Variants in YAP1 observed in about 807,000 individuals in gnomAD.
YAP1 encodes the protein transcriptional coactivator YAP1.
Under a neutral mutation model 56.9 loss-of-function variants are expected in YAP1, and 5 were observed. The observed-to-expected ratio is 0.09, with a 90% CI of 0.05 to 0.18. The LOEUF is 0.18. YAP1 is among the 10% of genes least tolerant of loss of function. The pLI is 1.00. For missense variants in YAP1, 539 were observed against 651.8 expected (o/e 0.83, Z 1.88); for synonymous variants, 265 against 248.1 (o/e 1.07, Z -0.64).
chr11:102,212,528 G>C (rs543008877), intron 6 of YAP1, among the ~76,000 whole-genome samples: 4 of 152,160 alleles, frequency 2.6e-5, no homozygotes, highest in Admixed American at 1.3e-4. Flanking sequence ...ATGTTGGCAG[G>C]ATTTTGGAAA....
At chr11:102,147,370 A>G (rs1298213240) in intron 2 of YAP1, among the ~76,000 whole-genome samples, 1 of 152,188 alleles carries the variant, frequency 6.6e-6, no homozygotes, top group Non-Finnish European at 1.5e-5. Flanking sequence ...TAAACATATT[A>G]TAGTAAATTT....
At chr11:102,212,380 A>C (rs1949444605) in intron 6 of YAP1, among the ~76,000 whole-genome samples, 1 of 152,178 alleles carries the variant, frequency 6.6e-6, no homozygotes, top group Admixed American at 6.5e-5. Flanking sequence ...CACTAACGTC[A>C]GTATGGGTGA....
chr11:102,139,377 A>G (rs1944871945), intron 2 of YAP1, among the ~76,000 whole-genome samples: 1 of 152,114 alleles, frequency 6.6e-6, no homozygotes, highest in Non-Finnish European at 1.5e-5. Context: ...AAAGTTGCTG[A>G]GCAAGTCCGT....
At chr11:102,179,635 G>C (rs1947466632) in intron 3 of YAP1, among the ~76,000 whole-genome samples, 1 of 152,034 alleles carries the variant, frequency 6.6e-6, no homozygotes, top group African/African-American at 2.4e-5. Flanking sequence ...CCCTTGATCT[G>C]CTTTTCTAAA....
At chr11:102,209,638 A>G (rs1949296898) in intron 6 of YAP1, 74 bp downstream of exon 6, 2 of 1,373,844 alleles carry the variant, frequency 1.5e-6, no homozygotes, top group Non-Finnish European at 2.0e-6. Context: ...AGAAACTTAC[A>G]TTCCAGGGTC....
intron 3 of YAP1, among the ~76,000 whole-genome samples, chr11:102,182,880 A>G (rs188069065): frequency 6.6e-5 from 10 of 152,324 alleles, no homozygotes; most frequent in Admixed American, 2.0e-4. Context: ...TGTATTTGGT[A>G]TATATGTGTT....
intron 4 of YAP1, among the ~76,000 whole-genome samples, chr11:102,205,552 C>T (rs529232269): frequency 6.6e-6 from 1 of 152,128 alleles, no homozygotes; most frequent in East Asian, 1.9e-4. Context: ...TCTGAATATG[C>T]AATATATTCA....
intron 1 of YAP1, 45 bp from the exon 2 acceptor site, chr11:102,114,099 T>A: frequency 6.5e-7 from 1 of 1,549,940 alleles, no homozygotes; most frequent in Non-Finnish European, 8.7e-7. Flanking sequence ...GGGACTCAGT[T>A]GTGTTTTTTC....
At chr11:102,189,699 A>C (rs182161667) in intron 4 of YAP1, among the ~76,000 whole-genome samples, 1 of 152,304 alleles carries the variant, frequency 6.6e-6, no homozygotes, top group Non-Finnish European at 1.5e-5. Flanking sequence ...CAGTTTCCCA[A>C]AACTTGCTTT....
At chr11:102,196,042 A>G (rs1367393250) in intron 4 of YAP1, among the ~76,000 whole-genome samples, 2 of 152,200 alleles carry the variant, frequency 1.3e-5, no homozygotes, top group Admixed American at 1.3e-4. Context: ...AAGATAACAA[A>G]TGTTGTCCAG....
chr11:102,221,255 G>A (rs1182381713), intron 6 of YAP1, among the ~76,000 whole-genome samples: 1 of 152,140 alleles, frequency 6.6e-6, no homozygotes, highest in East Asian at 1.9e-4. Context: ...ACCTTGCAGG[G>A]AAGACAGGCA....
At chr11:102,170,443 A>G (rs1360144185) in intron 3 of YAP1, among the ~76,000 whole-genome samples, 2 of 152,140 alleles carry the variant, frequency 1.3e-5, no homozygotes, top group Admixed American at 6.5e-5. Context: ...TGTGTTTTGT[A>G]TGCTTAGTTA....
At chr11:102,172,828 T>G (rs1946995340) in intron 3 of YAP1, among the ~76,000 whole-genome samples, 1 of 152,054 alleles carries the variant, frequency 6.6e-6, no homozygotes, top group Non-Finnish European at 1.5e-5. Context: ...TGAGCAGAGA[T>G]CTGAATGAAC....
At chr11:102,222,515 C>G (rs1029984577) in intron 6 of YAP1, among the ~76,000 whole-genome samples, 1 of 152,140 alleles carries the variant, frequency 6.6e-6, no homozygotes, top group African/African-American at 2.4e-5. Context: ...TTTGGAAGCC[C>G]TTGAAGGCAG....
At chr11:102,142,313 G>A (rs1001676968) in intron 2 of YAP1, among the ~76,000 whole-genome samples, 1 of 152,196 alleles carries the variant, frequency 6.6e-6, no homozygotes, top group Admixed American at 6.5e-5. Flanking sequence ...TTTGGTTGTA[G>A]TTTTGGTAAG....
intron 2 of YAP1, among the ~76,000 whole-genome samples, chr11:102,116,997 A>G (rs1468136975): frequency 1.3e-5 from 2 of 152,182 alleles, no homozygotes; most frequent in Non-Finnish European, 2.9e-5. Context: ...ACATTATGCA[A>G]TTTGGAGAAA....
intron 2 of YAP1, among the ~76,000 whole-genome samples, chr11:102,146,412 C>T (rs756284407): frequency 6.6e-6 from 1 of 152,176 alleles, no homozygotes; most frequent in Non-Finnish European, 1.5e-5. Flanking sequence ...AAGAGATGCA[C>T]CTCTTTTACA....
intron 5 of YAP1, among the ~76,000 whole-genome samples, chr11:102,208,724 A>T (rs1213216849): frequency 1.3e-5 from 2 of 152,224 alleles, no homozygotes; most frequent in Non-Finnish European, 2.9e-5. Flanking sequence ...CTAAGTAAAT[A>T]CAGGTCTCAA....
In YAP1 at chr11:102,110,699, C is replaced by T. The variant is rs1942836842; in HGVS notation, c.-150C>T. 6.5e-6 allele frequency: 4 copies of T among 613,116 alleles called. No individual in the cohort carries two copies. The highest frequency in any genetic ancestry group is 8.9e-6 in the Non-Finnish European group (4 of 450,430). 38.0% of individuals were successfully genotyped at this position (613,116 alleles called of 1,614,324 possible). A position where few individuals can be genotyped will look rare whatever the true frequency, so the allele number is the denominator to read the frequency against. On this transcript the variant is annotated 5_prime_UTR_variant, in exon 1 of 9. Coordinates refer to ENST00000282441, the MANE Select transcript of YAP1 (RefSeq NM_001130145.3). Reference sequence around the variant, plus strand: ...CGCCGGGGCGGGGGATGCGGGGCCGCGGCGCAGCCCCCCGGCCCTGAGAGC... The same window carrying T: ...CGCCGGGGCGGGGGATGCGGGGCCGTGGCGCAGCCCCCCGGCCCTGAGAGC...
Sources: gnomAD v4.1 joint callset for allele counts (sites outside exome capture counted in the v4.1 genomes callset) on GRCh38, gnomAD v4.1.1 for gene constraint, MANE v1.5 for transcripts, NCBI Gene and HGNC (gene_info 2026-07-23, HGNC 2026-07-21) for gene names.